The following PIK3R4 variants were observed in gnomAD, a reference collection of about 807,000 sequenced individuals.
PIK3R4 encodes the protein phosphoinositide 3-kinase regulatory subunit 4.
PIK3R4 carries 46 observed loss-of-function variants against 136.5 expected under a neutral mutation model. The ratio of observed to expected loss-of-function variants is 0.34; its 90% CI spans 0.27 to 0.43. The LOEUF (loss-of-function observed/expected upper bound fraction) is 0.43. PIK3R4 is among the 20% of genes least tolerant of loss of function. The pLI is 1.00. For missense variants in PIK3R4, 1,331 were observed against 1,649.5 expected, an observed-to-expected ratio of 0.81 and a Z score of 3.35; for synonymous variants, 557 against 566.7, an observed-to-expected ratio of 0.98 and a Z score of 0.24.
Position 130,746,629 on chromosome 3 carries a change from G to C in PIK3R4, c.-358C>G, listed in dbSNP as rs1177092275. 2 of 152,294 alleles carry C rather than the reference G, an allele frequency of 1.3e-5. No homozygotes were observed. Among genetic ancestry groups the C allele is most frequent in the Non-Finnish European group, 2.9e-5 (2 of 68,124 alleles). The allele number at this position is 152,294 out of a possible 1,614,324, so 9.4% of individuals were successfully genotyped here. On this transcript the variant is annotated 5_prime_UTR_variant, in exon 1 of 20. Transcript: ENST00000356763. ...TCCAGCCCCCTAACCTGCCCTGGGG[G>C]ACATGCGTTCCCGGGCCTCGTCTTC...
chr3:130,723,062 C>CAAAAAAAAAAA (rs61129038), intron 7 of PIK3R4, among the ~76,000 whole-genome samples: 1 of 19,500 alleles, frequency 5.1e-5, no homozygotes, highest in African/African-American at 1.7e-4. Context: ...GAGACTGTCG[C>CAAAAAAAAAAA]AAAAAAAAAA....
At chr3:130,739,558 A>G (rs2066808729) in intron 2 of PIK3R4, among the ~76,000 whole-genome samples, 1 of 151,896 alleles carries the variant, frequency 6.6e-6, no homozygotes, top group Non-Finnish European at 1.5e-5. Flanking sequence ...TTTTTTGTAG[A>G]GACAGGGTTT....
rs768013748 is a variant in PIK3R4, at chr3:130,745,013, T to C, written c.206A>G (p.Gln69Arg). The C allele has an allele frequency of 1.3e-5, 21 of 1,613,948 alleles. No individual in the cohort carries two copies. Among genetic ancestry groups the C allele is most frequent in the Non-Finnish European group, 1.8e-5 (21 of 1,179,966 alleles). ...CCTGATTTTCAGTTCCTCCAGCTCTTGTTTATAGCTGGTTAAAGGCAATGT... is the reference window on the plus strand; with the variant it reads ...CCTGATTTTCAGTTCCTCCAGCTCTCGTTTATAGCTGGTTAAAGGCAATGT... ...DPTLPLTSYK[Q>R]ELEELKIRLN... is the part of the protein sequence containing the mutation. The change falls in exon 2 of 20, where the codon CAA becomes CGA. Residue 69 changes from glutamine to arginine, a missense_variant. By Grantham distance (43) the Gln-to-Arg change is conservative. Around this residue, in one of 2 missense-constraint regions of PIK3R4, gnomAD observed 151 missense variants for 242.5 expected, o/e 0.62. Transcript: ENST00000356763.
chr3:130,695,343 A>G (rs2066540246), intron 13 of PIK3R4, among the ~76,000 whole-genome samples: 1 of 152,130 alleles, frequency 6.6e-6, no homozygotes, highest in Non-Finnish European at 1.5e-5. Flanking sequence ...TGGATGTTAC[A>G]TTAGTCTCTT....
chr3:130,695,963 T>C (rs1242781471), intron 13 of PIK3R4, among the ~76,000 whole-genome samples: 1 of 152,204 alleles, frequency 6.6e-6, no homozygotes, highest in African/African-American at 2.4e-5. Flanking sequence ...TTTATTATTA[T>C]AGATCTATTC....
chr3:130,737,297 A>G (rs992025089), intron 2 of PIK3R4, among the ~76,000 whole-genome samples: 2 of 152,162 alleles, frequency 1.3e-5, no homozygotes, highest in African/African-American at 4.8e-5. Flanking sequence ...CCATAGCAAC[A>G]ACTTCCAGGT....
At chr3:130,703,080 T>A (rs1167283282) in intron 13 of PIK3R4, among the ~76,000 whole-genome samples, 3 of 152,160 alleles carry the variant, frequency 2.0e-5, no homozygotes, top group Admixed American at 2.0e-4. Flanking sequence ...ATTCTCAACA[T>A]AACAGCCAGA....
chr3:130,696,982 C>A (rs142183600), intron 13 of PIK3R4, among the ~76,000 whole-genome samples: 1 of 151,310 alleles, frequency 6.6e-6, no homozygotes, highest in Non-Finnish European at 1.5e-5. Context: ...GATCCTTTTA[C>A]CATTATAAAA....
rs1254365928 is a variant in PIK3R4, at chr3:130,744,825, T to C, written c.394A>G (p.Ile132Val). The C allele has an allele frequency of 1.2e-6, 2 of 1,614,108 alleles. No individual in the cohort carries two copies. Among genetic ancestry groups the C allele is most frequent in the Non-Finnish European group, 1.7e-6 (2 of 1,180,050 alleles). Residue 132 changes from isoleucine (I) to valine (V), a missense_variant, in exon 2 of 20, where the codon ATC (isoleucine) becomes GTC (valine). By Grantham distance (29) the Ile-to-Val change is conservative (BLOSUM62 3). Around this residue, in one of 2 missense-constraint regions of PIK3R4, gnomAD observed 151 missense variants for 242.5 expected, o/e 0.62. Coordinates refer to ENST00000356763, the MANE Select transcript of PIK3R4 (RefSeq NM_014602.3). ...NIEKRWIAFQ[I>V]LTAVDQAHKS... ...TGTGCTTGGTCCACAGCTGTCAGGA[T>C]CTGGAAAGCAATCCAGCGCTTCTCA...
chr3:130,696,620 G>A (rs1401102164), intron 13 of PIK3R4, among the ~76,000 whole-genome samples: 2 of 152,014 alleles, frequency 1.3e-5, no homozygotes, highest in African/African-American at 4.8e-5. Flanking sequence ...TACTTCATAT[G>A]CTTTCAATCC....
chr3:130,703,594 G>A (rs1269630429), intron 13 of PIK3R4, 129 bp downstream of exon 13: 1 of 669,350 alleles, frequency 1.5e-6, no homozygotes, highest in African/African-American at 1.8e-5. Flanking sequence ...CTCCACAGAA[G>A]AAGGATTTTT....
intron 11 of PIK3R4, 109 bp from the exon 12 acceptor site, chr3:130,705,880 T>A: frequency 1.7e-6 from 1 of 583,718 alleles, no homozygotes; most frequent in Non-Finnish European, 2.9e-6. Flanking sequence ...TTTGTCCTCA[T>A]TAATGTACCA....
rs538273010 is a variant in PIK3R4 at position 130,741,594 on chromosome 3, G to A, written c.733+2892C>T. 2.6e-5 allele frequency among the ~76,000 whole-genome samples: 4 copies of A among 152,234 alleles called. No homozygotes were observed. In the East Asian group the frequency reaches 5.8e-4, roughly 22 times the overall value. The stretch of plus-strand genomic sequence containing the variant: ...GTATCATTCAAATCTCAGCTCAAAT[G>A]TTACCTTCATCAGAGAGGCCTTCCC... On this transcript the variant is annotated intron_variant, in intron 2 of 19. Transcript: ENST00000356763.
Position 130,730,392 on chromosome 3 carries a change from GT to G in PIK3R4, c.1500del (p.Gln501SerfsTer2). The G allele has an allele frequency of 6.3e-7, 1 of 1,599,908 alleles. No homozygotes were observed. Among genetic ancestry groups the G allele is most frequent in the South Asian group, 1.1e-5 (1 of 88,846 alleles). On this transcript the variant is annotated frameshift_variant, in exon 5 of 20. Coordinates refer to ENST00000356763, the MANE Select transcript of PIK3R4 (RefSeq NM_014602.3). LOFTEE classifies it high-confidence loss of function. ...TTTTCCATATTAAGATTTTTTAACT[GT>G]ACTAATTCCAGGAATCTCAGAGCTG... ...AETALRFLEL[V>X]QLKNLNMEND...
intron 19 of PIK3R4, among the ~76,000 whole-genome samples, chr3:130,680,363 TA>T (rs2066450233): frequency 6.6e-6 from 1 of 152,216 alleles, no homozygotes; most frequent in South Asian, 2.1e-4. Flanking sequence ...AAGAGGATAA[TA>T]AAAGTGCTTC....
At chr3:130,693,661 T>C (rs1456471480) in intron 13 of PIK3R4, among the ~76,000 whole-genome samples, 1 of 152,188 alleles carries the variant, frequency 6.6e-6, no homozygotes, top group South Asian at 2.1e-4. Context: ...GTGTTCTTTA[T>C]ACATTTTAAA....
intron 2 of PIK3R4, among the ~76,000 whole-genome samples, chr3:130,738,779 T>C (rs1197487229): frequency 1.3e-5 from 2 of 150,142 alleles, no homozygotes; most frequent in African/African-American, 4.9e-5. Context: ...CTGAGACAAC[T>C]GGTGCACCAA....
chr3:130,682,079 G>A (rs987464252), intron 16 of PIK3R4, among the ~76,000 whole-genome samples: 8 of 152,144 alleles, frequency 5.3e-5, no homozygotes, highest in African/African-American at 1.7e-4. Context: ...GCCTGTGGTA[G>A]GCTAAATAAT....
At position 130,702,733 on chromosome 3, in the gene PIK3R4, T is replaced by A. The variant is rs1372389549; in HGVS notation, c.3098+990A>T. On this transcript the variant is annotated intron_variant, in intron 13 of 19. Coordinates refer to ENST00000356763, the MANE Select transcript of PIK3R4 (RefSeq NM_014602.3). The stretch of plus-strand genomic sequence containing the variant: ...TGCAAATCAGATAGGGACATACTTA[T>A]AAAGTTGTACAAATCTAAAATATTT... Among the ~76,000 whole-genome samples, 3 of 152,216 alleles carry A rather than the reference T, an allele frequency of 2.0e-5. No individual in the cohort carries two copies. The East Asian group carries it at 5.8e-4, about 29-fold the overall frequency.
Sources: gnomAD v4.1 joint callset for allele counts (sites outside exome capture counted in the v4.1 genomes callset) on GRCh38, gnomAD v4.1.1 for gene constraint, gnomAD v4.1.1 regional missense constraint, MANE v1.5 for transcripts, NCBI Gene and HGNC (gene_info 2026-07-23, HGNC 2026-07-21) for gene names.